The following HS6ST3 variants were observed in gnomAD, a reference collection of about 807,000 sequenced individuals.
HS6ST3 encodes heparan sulfate 6-O-sulfotransferase 3.
Under a neutral mutation model 36.7 loss-of-function variants are expected in HS6ST3, and 12 were observed. The ratio of observed to expected loss-of-function variants is 0.33; its 90% CI spans 0.21 to 0.53. The LOEUF is 0.53. Among genes scored for constraint, HS6ST3 ranks in the 20% least tolerant of loss-of-function variants. HS6ST3 has a pLI of 0.95. For missense variants in HS6ST3, 584 were observed against 640.9 expected, an observed-to-expected ratio of 0.91 and a Z score of 0.96; for synonymous variants, 240 against 257.5, an observed-to-expected ratio of 0.93 and a Z score of 0.65.
chr13:96,575,355 T>G (rs2056316821), intron 1 of HS6ST3, among the ~76,000 whole-genome samples: 1 of 152,184 alleles, frequency 6.6e-6, no homozygotes, highest in Admixed American at 6.5e-5. Context: ...CACCTACTGG[T>G]AGCAGTGCCT....
intron 1 of HS6ST3, among the ~76,000 whole-genome samples, chr13:96,611,427 T>C (rs1053327885): frequency 6.6e-6 from 1 of 152,160 alleles, no homozygotes; most frequent in Non-Finnish European, 1.5e-5. Flanking sequence ...TTTCAACAAA[T>C]GTATGAATGC....
At chr13:96,592,860 C>A (rs1842098864) in intron 1 of HS6ST3, among the ~76,000 whole-genome samples, 1 of 151,964 alleles carries the variant, frequency 6.6e-6, no homozygotes, top group Admixed American at 6.6e-5. Flanking sequence ...CCTTTAGGAC[C>A]CTTTCTCTAT....
At position 96,511,370 on chromosome 13, in the gene HS6ST3, G is replaced by T. The variant is rs2056049211; in HGVS notation, c.708-321120G>T. 5.3e-5 allele frequency among the ~76,000 whole-genome samples: 8 copies of T among 152,062 alleles called. No homozygotes were observed. The South Asian group carries it at 1.7e-3, about 31-fold the overall frequency. On this transcript the variant is annotated intron_variant, in intron 1 of 1. Coordinates refer to ENST00000376705, the MANE Select transcript of HS6ST3 (RefSeq NM_153456.4). ...CAGCTGTGTAAGCTTTATCATCAGT[G>T]CAGGAGGATTCCCATATCCTCATCC...
intron 1 of HS6ST3, among the ~76,000 whole-genome samples, chr13:96,185,953 A>G (rs2139342784): frequency 6.6e-6 from 1 of 152,276 alleles, no homozygotes. Context: ...AAAAAAGTGG[A>G]GTAGGTCTAA....
intron 1 of HS6ST3, among the ~76,000 whole-genome samples, chr13:96,111,943 C>T (rs996525553): frequency 6.6e-6 from 1 of 151,986 alleles, no homozygotes; most frequent in Non-Finnish European, 1.5e-5. Context: ...AATTACTAGT[C>T]CTTTTTTGAC....
At chr13:96,225,934 A>G (rs1002726219) in intron 1 of HS6ST3, among the ~76,000 whole-genome samples, 2 of 152,130 alleles carry the variant, frequency 1.3e-5, no homozygotes, top group African/African-American at 2.4e-5. Flanking sequence ...GGATAGTAGT[A>G]TTAGGAAATT....
chr13:96,518,970 T>G (rs902854146), intron 1 of HS6ST3, among the ~76,000 whole-genome samples: 1 of 152,218 alleles, frequency 6.6e-6, no homozygotes, highest in Non-Finnish European at 1.5e-5. Flanking sequence ...TTAGAAAACA[T>G]TTATTTTCAC....
In HS6ST3 at chr13:96,091,206, C is replaced by G. The variant is rs758423490; in HGVS notation, c.344C>G (p.Pro115Arg). Residue 115 changes from proline to arginine, a missense_variant, in exon 1 of 2, where the codon CCG becomes CGG. Around this residue, in one of 3 missense-constraint regions of HS6ST3, gnomAD observed 217 missense variants for 205.4 expected, o/e 1.06. Transcript: ENST00000376705. ...EEEDEPDPEA[P>R]ENGSLPRFVP... is the part of the protein sequence containing the mutation. The stretch of plus-strand genomic sequence containing the variant: ...GAAGACGAGCCGGACCCCGAGGCCC[C>G]GGAAAACGGCTCCCTGCCCCGATTC... 23 of 1,563,686 alleles carry G rather than the reference C, an allele frequency of 1.5e-5. No individual in the cohort carries two copies. The highest frequency in any genetic ancestry group is 9.6e-5 in the East Asian group (4 of 41,586).
chr13:96,627,916 C>G (rs1342864062), intron 1 of HS6ST3, among the ~76,000 whole-genome samples: 1 of 151,680 alleles, frequency 6.6e-6, no homozygotes, highest in Non-Finnish European at 1.5e-5. Context: ...TAATCTCTAT[C>G]TTTTTCTAAA....
At chr13:96,239,238 C>T (rs1200276143) in intron 1 of HS6ST3, among the ~76,000 whole-genome samples, 1 of 152,122 alleles carries the variant, frequency 6.6e-6, no homozygotes, top group Non-Finnish European at 1.5e-5. Context: ...TCTATATACG[C>T]CCAGCGAATG....
chr13:96,786,660 C>T (rs1877660466), intron 1 of HS6ST3, among the ~76,000 whole-genome samples: 1 of 152,136 alleles, frequency 6.6e-6, no homozygotes, highest in South Asian at 2.1e-4. Flanking sequence ...AAGTTACATA[C>T]TTGCATGGGA....
At chr13:96,672,544 G>C (rs1421024630) in intron 1 of HS6ST3, among the ~76,000 whole-genome samples, 1 of 152,054 alleles carries the variant, frequency 6.6e-6, no homozygotes, top group Non-Finnish European at 1.5e-5. Context: ...CTTTCCTTCA[G>C]ATTCATCCTT....
At chr13:96,822,512 A>T (rs539394692) in intron 1 of HS6ST3, among the ~76,000 whole-genome samples, 1 of 152,238 alleles carries the variant, frequency 6.6e-6, no homozygotes, top group East Asian at 1.9e-4. Flanking sequence ...ACCACCCGAA[A>T]ATCATGGCAT....
At chr13:96,201,655 T>G (rs571637984) in intron 1 of HS6ST3, among the ~76,000 whole-genome samples, 49 of 152,330 alleles carry the variant, frequency 3.2e-4, no homozygotes, top group African/African-American at 6.5e-4. Context: ...AAGAATGAGC[T>G]GAAGATTCTC....
intron 1 of HS6ST3, among the ~76,000 whole-genome samples, chr13:96,524,402 G>A (rs2056105611): frequency 6.6e-6 from 1 of 152,178 alleles, no homozygotes; most frequent in Non-Finnish European, 1.5e-5. Context: ...GAGCTGTCAG[G>A]CAGGGATGTT....
chr13:96,430,282 T>TG (rs2055608383), intron 1 of HS6ST3, among the ~76,000 whole-genome samples: 1 of 152,206 alleles, frequency 6.6e-6, no homozygotes, highest in African/African-American at 2.4e-5. Flanking sequence ...TTCACCAGTT[T>TG]GGGGAATACA....
At chr13:96,653,250 T>A (rs1403412973) in intron 1 of HS6ST3, among the ~76,000 whole-genome samples, 2 of 152,140 alleles carry the variant, frequency 1.3e-5, no homozygotes, top group East Asian at 3.9e-4. Flanking sequence ...GGGATACATG[T>A]GCAGAATGTG....
At chr13:96,169,269 T>TTC (rs397819082) in intron 1 of HS6ST3, among the ~76,000 whole-genome samples, 6 of 151,558 alleles carry the variant, frequency 4.0e-5, no homozygotes, top group African/African-American at 1.5e-4. Flanking sequence ...ATTTTTTTTT[T>TTC]CTCATTCTGG....
At chr13:96,261,845 A>G (rs2054668106) in intron 1 of HS6ST3, among the ~76,000 whole-genome samples, 1 of 152,160 alleles carries the variant, frequency 6.6e-6, no homozygotes, top group South Asian at 2.1e-4. Flanking sequence ...AGATAAAGGT[A>G]TTTTATGGTT....
Sources: gnomAD v4.1 joint callset for allele counts (sites outside exome capture counted in the v4.1 genomes callset) on GRCh38, gnomAD v4.1.1 for gene constraint, gnomAD v4.1.1 regional missense constraint, MANE v1.5 for transcripts, NCBI Gene and HGNC (gene_info 2026-07-23, HGNC 2026-07-21) for gene names.